Variants in XKR6 observed in about 807,000 individuals in gnomAD.
XKR6 encodes XK-related protein 6.
XKR6 carries 22 observed loss-of-function variants against 56.7 expected under a neutral mutation model. The ratio of observed to expected loss-of-function variants is 0.39; its 90% confidence interval spans 0.28 to 0.55. The LOEUF is 0.55. Among genes scored for constraint, XKR6 ranks in the 20% least tolerant of loss-of-function variants. The pLI is 0.66. For missense variants in XKR6, 852 were observed against 889.0 expected (o/e 0.96, Z 0.53); for synonymous variants, 524 against 387.8 (o/e 1.35, Z -4.13).
chr8:10,932,824 AT>A (rs1168790322), intron 1 of XKR6, among the ~76,000 whole-genome samples: 40 of 130,652 alleles, frequency 3.1e-4, no homozygotes, highest in Non-Finnish European at 5.4e-4. Context: ...CCAGTCTATC[AT>A]TGTTGGACAT....
intron 1 of XKR6, among the ~76,000 whole-genome samples, chr8:11,127,301 G>C (rs1277248445): frequency 9.2e-5 from 14 of 152,124 alleles, no homozygotes; most frequent in Admixed American, 9.2e-4. Context: ...CTAATTATGT[G>C]ATCTTCAACG....
At chr8:11,051,159 C>A (rs145258154) in intron 1 of XKR6, among the ~76,000 whole-genome samples, 1 of 151,844 alleles carries the variant, frequency 6.6e-6, no homozygotes, top group Non-Finnish European at 1.5e-5. Flanking sequence ...CAGTGGATCA[C>A]CCCCCATCTG....
intron 1 of XKR6, among the ~76,000 whole-genome samples, chr8:10,933,827 A>G (rs1801139859): frequency 7.3e-6 from 1 of 136,960 alleles, no homozygotes; most frequent in African/African-American, 2.9e-5. Context: ...GAAGTCAGGT[A>G]GTGTGATGCC....
At chr8:10,906,608 A>G (rs1361100922) in intron 2 of XKR6, among the ~76,000 whole-genome samples, 1 of 152,240 alleles carries the variant, frequency 6.6e-6, no homozygotes, top group Non-Finnish European at 1.5e-5. Flanking sequence ...TGCTTTGTGC[A>G]CAGTCTTTCA....
At chr8:10,984,632 A>T (rs1334323064) in intron 1 of XKR6, among the ~76,000 whole-genome samples, 1 of 151,216 alleles carries the variant, frequency 6.6e-6, no homozygotes, top group African/African-American at 2.4e-5. Flanking sequence ...ATAAGCAAAA[A>T]TCCATCAGCT....
intron 1 of XKR6, chr8:11,108,238 A>C (rs1563141355): frequency 2.2e-6 from 1 of 453,730 alleles, no homozygotes; most frequent in Non-Finnish European, 4.4e-6. Context: ...ACAATTGTAA[A>C]ATCTGTAAGG....
intron 1 of XKR6, among the ~76,000 whole-genome samples, chr8:11,030,606 C>T (rs752843406): frequency 6.6e-6 from 1 of 152,298 alleles, no homozygotes; most frequent in Admixed American, 6.5e-5. Context: ...TCCCTTACAA[C>T]CTCAGGTCCC....
At chr8:11,143,192 CAAAG>C (rs1044588552) in intron 1 of XKR6, among the ~76,000 whole-genome samples, 38 of 151,844 alleles carry the variant, frequency 2.5e-4, no homozygotes, top group African/African-American at 8.5e-4. Context: ...AAAAAAGAAA[CAAAG>C]AAAGAAAGAG....
chr8:10,949,539 G>T (rs754276884), intron 1 of XKR6, among the ~76,000 whole-genome samples: 20 of 152,376 alleles, frequency 1.3e-4, no homozygotes, highest in Non-Finnish European at 2.6e-4. Flanking sequence ...CTGAAAAGAG[G>T]GCAGGGAGGC....
chr8:11,194,934 A>T (rs1188967868), intron 1 of XKR6: 2 of 548,256 alleles, frequency 3.6e-6, no homozygotes, highest in Admixed American at 3.5e-5. Flanking sequence ...GCTCCAAAGC[A>T]TGCCATTTTT....
At chr8:11,028,392 T>C (rs1798918245) in intron 1 of XKR6, among the ~76,000 whole-genome samples, 1 of 152,268 alleles carries the variant, frequency 6.6e-6, no homozygotes, top group African/African-American at 2.4e-5. Flanking sequence ...TCAGTAAGTA[T>C]GAATAAAGCT....
intron 1 of XKR6, among the ~76,000 whole-genome samples, chr8:11,104,305 T>G (rs933573306): frequency 4.6e-5 from 7 of 152,190 alleles, no homozygotes; most frequent in African/African-American, 1.7e-4. Context: ...CGGCATCCAT[T>G]GAGGAAGAGT....
chr8:11,161,975 C>G (rs1422858068), intron 1 of XKR6, among the ~76,000 whole-genome samples: 2 of 152,032 alleles, frequency 1.3e-5, no homozygotes, highest in African/African-American at 2.4e-5. Flanking sequence ...AAGAGGAAGG[C>G]CCACCAGAGG....
intron 2 of XKR6, among the ~76,000 whole-genome samples, chr8:10,912,464 TATAGAGAG>T (rs1270582253): frequency 1.2e-4 from 14 of 114,224 alleles, no homozygotes; most frequent in African/African-American, 3.1e-4. Flanking sequence ...TATATATATA[TATAGAGAG>T]AGAGAGAGAG....
intron 1 of XKR6, among the ~76,000 whole-genome samples, chr8:10,996,026 G>A (rs1375124008): frequency 2.6e-5 from 4 of 152,096 alleles, no homozygotes; most frequent in Admixed American, 6.5e-5. Flanking sequence ...TCTCTATAAC[G>A]CCTTTCACAA....
chr8:11,171,916 G>C (rs1248734384), intron 1 of XKR6, among the ~76,000 whole-genome samples: 1 of 151,910 alleles, frequency 6.6e-6, no homozygotes, highest in Non-Finnish European at 1.5e-5. Flanking sequence ...AGCCAGCCGT[G>C]GTGGCAGGTG....
chr8:11,037,322 C>G (rs959809734), intron 1 of XKR6, among the ~76,000 whole-genome samples: 3 of 152,144 alleles, frequency 2.0e-5, no homozygotes, highest in Non-Finnish European at 4.4e-5. Context: ...ACCTCCCGGG[C>G]TCAAGCCGTC....
rs548475554 is a variant in XKR6 at position 11,200,149 on chromosome 8, G to A, written c.764+427C>T. Among the ~76,000 whole-genome samples the A allele has an allele frequency of 9.2e-5, 14 of 152,328 alleles. No individual in the cohort carries two copies. The South Asian group carries it at 2.7e-3, about 29-fold the overall frequency. Reference sequence around the variant, plus strand: ...TGCAGAGGGAGAACGGGGGAAGAGGGGAGGATGTCTCACCTGGGAACAAAC... The same window carrying A: ...TGCAGAGGGAGAACGGGGGAAGAGGAGAGGATGTCTCACCTGGGAACAAAC... On this transcript the variant is annotated intron_variant, in intron 1 of 2. Transcript: ENST00000416569. This position sits in a 1 kb window ranked among gnomAD's most constrained non-coding sequence, Gnocchi z 6.4.
chr8:11,200,764 C>T lies in XKR6; in HGVS notation c.576G>A (p.Gly192=). Residue 192 remains glycine, a synonymous_variant, in exon 1 of 3, where the codon GGG becomes GGA. Coordinates refer to ENST00000416569, the MANE Select transcript of XKR6 (RefSeq NM_173683.4). The surrounding 1 kb of genome is among the most constrained non-coding windows in gnomAD (Gnocchi z 6.4). ...TGGTGAGCCCCTCCACGGCGCCCAG[C>T]CCGCCGCCCGTGTAGTCCTGCACGA... The part of the protein sequence containing the change: ...RWFVQDYTGG[G]LGAVEGLTSR... 1 of 1,600,868 alleles carries T rather than the reference C, an allele frequency of 6.2e-7. No homozygotes were observed. The highest frequency in any genetic ancestry group is 8.5e-7 in the Non-Finnish European group (1 of 1,175,332).
Sources: gnomAD v4.1 joint callset for allele counts (sites outside exome capture counted in the v4.1 genomes callset) on GRCh38, gnomAD v4.1.1 for gene constraint, Gnocchi (gnomAD v3.1) non-coding constraint, MANE v1.5 for transcripts, NCBI Gene and HGNC (gene_info 2026-07-23, HGNC 2026-07-21) for gene names.